RBFOX1: variants seen among roughly 807,000 people sequenced by gnomAD.
RBFOX1 encodes the protein RNA binding protein fox-1 homolog 1.
A neutral mutation model predicts 57.7 loss-of-function variants in RBFOX1; 8 were observed. The observed-to-expected ratio is 0.14, with a 90% CI of 0.08 to 0.25. RBFOX1 has a LOEUF of 0.25. Ranked by LOEUF, RBFOX1 falls within the 10% of genes least tolerant of loss-of-function variation. The pLI is 1.00. For missense variants in RBFOX1, 611 were observed against 548.5 expected, an observed-to-expected ratio of 1.11 and a Z score of -1.14; for synonymous variants, 326 against 222.4, an observed-to-expected ratio of 1.47 and a Z score of -4.15.
At chr16:6,336,414 G>A (rs532473200) in intron 2 of RBFOX1, among the ~76,000 whole-genome samples, 2 of 151,600 alleles carry the variant, frequency 1.3e-5, no homozygotes, top group East Asian at 3.9e-4. Flanking sequence ...TTTAGTCTCA[G>A]TTGAAATGGG....
At chr16:6,195,273 G>A (rs2097172431) in intron 1 of RBFOX1, among the ~76,000 whole-genome samples, 1 of 152,174 alleles carries the variant, frequency 6.6e-6, no homozygotes, top group Non-Finnish European at 1.5e-5. Flanking sequence ...TTGTAAGCCA[G>A]TCTTATTATA....
intron 4 of RBFOX1, among the ~76,000 whole-genome samples, chr16:7,367,660 T>C (rs370457070): frequency 6.6e-6 from 1 of 152,160 alleles, no homozygotes; most frequent in Non-Finnish European, 1.5e-5. Flanking sequence ...ATGGGAATAG[T>C]GGAGAAACAG....
intron 2 of RBFOX1, among the ~76,000 whole-genome samples, chr16:6,423,305 G>A (rs2093828239): frequency 6.6e-6 from 1 of 152,098 alleles, no homozygotes; most frequent in African/African-American, 2.4e-5. Flanking sequence ...CCTGTAGGAG[G>A]CACGTCTTCC....
At chr16:6,857,188 A>C (rs748805603) in intron 3 of RBFOX1, among the ~76,000 whole-genome samples, 1 of 152,142 alleles carries the variant, frequency 6.6e-6, no homozygotes. Context: ...GTTCCTGCTG[A>C]TTTGGGACTT....
At chr16:5,914,246 A>G (rs2058662522) in intron 4 of RBFOX1, among the ~76,000 whole-genome samples, 1 of 152,252 alleles carries the variant, frequency 6.6e-6, no homozygotes, top group African/African-American at 2.4e-5. Flanking sequence ...TTTCTGTTAC[A>G]TAACAAATTA....
At chr16:6,967,925 T>G (rs2084641118) in intron 3 of RBFOX1, among the ~76,000 whole-genome samples, 1 of 152,118 alleles carries the variant, frequency 6.6e-6, no homozygotes, top group African/African-American at 2.4e-5. Flanking sequence ...CACCAACTGT[T>G]CAGCTGCCCC....
intron 12 of RBFOX1, among the ~76,000 whole-genome samples, chr16:7,662,963 T>A (rs1200105439): frequency 6.6e-6 from 1 of 152,220 alleles, no homozygotes; most frequent in East Asian, 1.9e-4. Flanking sequence ...CTAACTTGGC[T>A]CTTGAATGGT....
intron 3 of RBFOX1, among the ~76,000 whole-genome samples, chr16:6,817,233 A>G (rs1419631716): frequency 1.3e-5 from 2 of 152,126 alleles, no homozygotes; most frequent in Non-Finnish European, 2.9e-5. Context: ...CAGAGATTTT[A>G]AAGTGGAATC....
chr16:6,063,325 T>G (rs767039848), intron 1 of RBFOX1, among the ~76,000 whole-genome samples: 41 of 152,102 alleles, frequency 2.7e-4, no homozygotes, highest in Non-Finnish European at 5.1e-4. Context: ...TTCCTCATGA[T>G]GAGGGGAACA....
In RBFOX1 at chr16:5,971,956, C is replaced by G. The variant is rs534688203; in HGVS notation, c.351+104621C>G. ...GAACAGAGCAGAAAAACTGAGCTCC[C>G]CTGCATCAGAGAGAATTCCTCTTGC... On this transcript the variant is annotated intron_variant, in intron 4 of 19. Transcript: ENST00000641259. Among the ~76,000 whole-genome samples the G allele has an allele frequency of 2.4e-4, 36 of 152,320 alleles. 1 individual carries two copies. The East Asian group carries it at 6.2e-3, about 26-fold the overall frequency.
At chr16:6,464,453 A>C (rs2094993578) in intron 2 of RBFOX1, among the ~76,000 whole-genome samples, 2 of 152,226 alleles carry the variant, frequency 1.3e-5, no homozygotes, top group African/African-American at 4.8e-5. Flanking sequence ...GGATGACAGC[A>C]ACAACAAGCG....
chr16:6,355,071 T>G (rs1289502956), intron 2 of RBFOX1, among the ~76,000 whole-genome samples: 1 of 152,202 alleles, frequency 6.6e-6, no homozygotes, highest in East Asian at 1.9e-4. Context: ...CATCTTGGTT[T>G]CTAAGACCAT....
chr16:7,281,438 C>G (rs2095541592), intron 4 of RBFOX1, among the ~76,000 whole-genome samples: 1 of 151,972 alleles, frequency 6.6e-6, no homozygotes, highest in Non-Finnish European at 1.5e-5. Flanking sequence ...GTACTTTAGT[C>G]CTCTCTTCTA....
intron 10 of RBFOX1, among the ~76,000 whole-genome samples, chr16:7,612,834 G>A (rs866370778): frequency 6.6e-5 from 10 of 152,064 alleles, no homozygotes; most frequent in African/African-American, 9.7e-5. Flanking sequence ...GCTCACCCAC[G>A]TTGTATATCA....
At chr16:6,614,687 G>T (rs1273086207) in intron 2 of RBFOX1, among the ~76,000 whole-genome samples, 1 of 152,122 alleles carries the variant, frequency 6.6e-6, no homozygotes, top group Non-Finnish European at 1.5e-5. Context: ...CACAGTCTTT[G>T]GTGTTCCTCG....
At chr16:6,301,640 T>G (rs1312627853) in intron 1 of RBFOX1, among the ~76,000 whole-genome samples, 1 of 152,146 alleles carries the variant, frequency 6.6e-6, no homozygotes, top group Non-Finnish European at 1.5e-5. Context: ...AATTTTCTCT[T>G]TATTTTGCTG....
intron 5 of RBFOX1, among the ~76,000 whole-genome samples, chr16:7,575,466 A>C (rs2093242804): frequency 6.6e-6 from 1 of 152,038 alleles, no homozygotes; most frequent in Non-Finnish European, 1.5e-5. Context: ...AGGAAGAGGG[A>C]AATTGGAGTT....
chr16:7,361,532 G>C (rs371207494), intron 4 of RBFOX1, among the ~76,000 whole-genome samples: 1 of 152,298 alleles, frequency 6.6e-6, no homozygotes, highest in South Asian at 2.1e-4. Flanking sequence ...GACCAGGTGA[G>C]TCCGAAGGTG....
intron 4 of RBFOX1, among the ~76,000 whole-genome samples, chr16:5,936,311 A>T (rs992162416): frequency 6.6e-6 from 1 of 152,114 alleles, no homozygotes; most frequent in Non-Finnish European, 1.5e-5. Flanking sequence ...TTTAGTAGAG[A>T]TGGGGTTTCA....
Sources: allele counts gnomAD v4.1 joint callset (sites outside exome capture counted in the v4.1 genomes callset), GRCh38; gene constraint gnomAD v4.1.1; transcripts MANE v1.5; gene names NCBI Gene and HGNC (gene_info 2026-07-23, HGNC 2026-07-21).